Variants in NEDD4L observed in about 807,000 individuals in gnomAD.
NEDD4L encodes NEDD4 like E3 ubiquitin protein ligase.
Under a neutral mutation model 148.9 loss-of-function variants are expected in NEDD4L, and 54 were observed. That is an observed-to-expected ratio of 0.36 (90% confidence interval 0.29 to 0.45). The LOEUF (loss-of-function observed/expected upper bound fraction) is 0.45. Ranked by LOEUF, NEDD4L falls within the 20% of genes least tolerant of loss-of-function variation. NEDD4L has a pLI of 1.00. For synonymous variants in NEDD4L, 433 were observed against 440.7 expected, an observed-to-expected ratio of 0.98 and a Z score of 0.22; for missense variants, 856 against 1,233.8, an observed-to-expected ratio of 0.69 and a Z score of 4.59.
intron 2 of NEDD4L, among the ~76,000 whole-genome samples, chr18:58,240,007 G>C (rs1454787080): frequency 6.6e-6 from 1 of 152,114 alleles, no homozygotes; most frequent in Non-Finnish European, 1.5e-5. Context: ...AGGATTTCTT[G>C]GTGACCTCTC....
chr18:58,375,416 C>G (rs969394795), intron 24 of NEDD4L, among the ~76,000 whole-genome samples: 4 of 152,120 alleles, frequency 2.6e-5, no homozygotes, highest in Non-Finnish European at 5.9e-5. Flanking sequence ...TGTCCTTCTT[C>G]TACTTGGCCA....
intron 1 of NEDD4L, among the ~76,000 whole-genome samples, chr18:58,159,700 T>G (rs527317096): frequency 5.3e-5 from 8 of 152,324 alleles, no homozygotes; most frequent in African/African-American, 1.9e-4. Context: ...TTAAAGCAAC[T>G]AAAGTTAAGT....
intron 5 of NEDD4L, among the ~76,000 whole-genome samples, chr18:58,275,335 A>C (rs1568544632): frequency 6.6e-6 from 1 of 152,190 alleles, no homozygotes; most frequent in East Asian, 1.9e-4. Flanking sequence ...TCTTGCTGTC[A>C]CAGGTGACAG....
chr18:58,267,595 C>T (rs757692250), intron 5 of NEDD4L, among the ~76,000 whole-genome samples: 12 of 152,094 alleles, frequency 7.9e-5, no homozygotes, highest in African/African-American at 2.6e-4. Context: ...TGGATTGTCT[C>T]GGGAGTTAGT....
At chr18:58,091,617 C>T (rs1018594964) in intron 1 of NEDD4L, 1 of 152,208 alleles carries the variant, frequency 6.6e-6, no homozygotes, top group Non-Finnish European at 1.5e-5. Context: ...TCACTGCAGC[C>T]TAGAGCGTAA....
chr18:58,080,950 G>T (rs750304828), intron 1 of NEDD4L, among the ~76,000 whole-genome samples: 2 of 152,092 alleles, frequency 1.3e-5, no homozygotes, highest in Non-Finnish European at 2.9e-5. Context: ...GGGCTGGGGG[G>T]TATGAAATGT....
chr18:58,334,330 C>T (rs1209502297), intron 12 of NEDD4L, among the ~76,000 whole-genome samples: 2 of 152,194 alleles, frequency 1.3e-5, no homozygotes, highest in Non-Finnish European at 2.9e-5. Context: ...CTCTACAGAG[C>T]CTCTGTACCT....
In NEDD4L at chr18:58,347,215, C is replaced by CG. The variant is rs1491278783; in HGVS notation, c.1576-2322_1576-2321insG. On this transcript the variant is annotated intron_variant, in intron 16 of 30. Coordinates refer to ENST00000400345, the MANE Select transcript of NEDD4L (RefSeq NM_001144967.3). ...TCTTTTCACGCTACGGCCCCCCCCGCCCCCCCCCCCCCTTTAAATCACCAG... is the reference window on the plus strand; with the variant it reads ...TCTTTTCACGCTACGGCCCCCCCCGCGCCCCCCCCCCCCTTTAAATCACCAG... Among the ~76,000 whole-genome samples, 39 of 43,806 alleles carry CG rather than the reference C, an allele frequency of 8.9e-4. 3 individuals carry two copies. Among genetic ancestry groups the CG allele is most frequent in the East Asian group, 3.6e-3 (8 of 2,230 alleles). The allele number at this position is 43,806 out of a possible 152,430, so 28.7% of individuals were successfully genotyped here. A position where few individuals can be genotyped will look rare whatever the true frequency, so the allele number is the denominator to read the frequency against.
intron 2 of NEDD4L, among the ~76,000 whole-genome samples, chr18:58,222,922 ACT>A (rs1568419611): frequency 6.6e-6 from 1 of 152,140 alleles, no homozygotes; most frequent in East Asian, 1.9e-4. Flanking sequence ...GAAGCAAATA[ACT>A]CTATAAGGGA....
At chr18:58,066,546 C>T (rs79622941) in intron 1 of NEDD4L, among the ~76,000 whole-genome samples, 6,738 of 152,108 alleles carry the variant, frequency 0.044, 370 homozygotes, top group African/African-American at 0.13. Context: ...TCTTGAACGC[C>T]TGACCTCGTG....
At chr18:58,394,828 G>A (rs945536196) in intron 30 of NEDD4L, among the ~76,000 whole-genome samples, 2 of 152,192 alleles carry the variant, frequency 1.3e-5, no homozygotes, top group African/African-American at 2.4e-5. Context: ...CTGCCAAAGC[G>A]AGCACGTGAA....
chr18:58,342,087 C>A (rs1568770983), intron 15 of NEDD4L, among the ~76,000 whole-genome samples: 1 of 152,198 alleles, frequency 6.6e-6, no homozygotes, highest in Non-Finnish European at 1.5e-5. Context: ...TGTTGTGTTT[C>A]GCTTCTTTTT....
At chr18:58,259,329 A>G (rs890517726) in intron 5 of NEDD4L, among the ~76,000 whole-genome samples, 3 of 152,224 alleles carry the variant, frequency 2.0e-5, no homozygotes, top group African/African-American at 4.8e-5. Flanking sequence ...ATAGTCATCA[A>G]TTATAATCAG....
intron 1 of NEDD4L, among the ~76,000 whole-genome samples, chr18:58,082,893 G>T (rs942093965): frequency 3.3e-5 from 5 of 152,078 alleles, no homozygotes; most frequent in Admixed American, 6.6e-5. Context: ...GTGTTCTTGG[G>T]CTGTTTCTAA....
chr18:58,082,661 A>G (rs1361757374), intron 1 of NEDD4L, among the ~76,000 whole-genome samples: 6 of 151,670 alleles, frequency 4.0e-5, no homozygotes, highest in Non-Finnish European at 8.8e-5. Flanking sequence ...AGTCCCATCT[A>G]CTTGAGCGTC....
chr18:58,249,885 A>G (rs2047691062), intron 4 of NEDD4L, among the ~76,000 whole-genome samples: 2 of 152,246 alleles, frequency 1.3e-5, no homozygotes, highest in Non-Finnish European at 1.5e-5. Context: ...TCCTATGTAC[A>G]GCCTCCACCA....
chr18:58,330,978 G>A (rs2059742394), intron 11 of NEDD4L, 64 bp downstream of exon 11: 1 of 1,531,420 alleles, frequency 6.5e-7, no homozygotes, highest in Non-Finnish European at 9.0e-7. Flanking sequence ...GTTGCTTAAG[G>A]AGAATCTCTT....
intron 5 of NEDD4L, among the ~76,000 whole-genome samples, chr18:58,295,152 C>G (rs565908520): frequency 9.2e-5 from 14 of 152,296 alleles, no homozygotes; most frequent in African/African-American, 3.4e-4. Context: ...AGGGTTCTCT[C>G]TTGGTGTTGT....
chr18:58,047,858 A>G (rs1242297942), intron 1 of NEDD4L, among the ~76,000 whole-genome samples: 1 of 152,210 alleles, frequency 6.6e-6, no homozygotes, highest in African/African-American at 2.4e-5. Flanking sequence ...TTACTTATGA[A>G]TGTTACCGCT....
Sources: allele counts gnomAD v4.1 joint callset (sites outside exome capture counted in the v4.1 genomes callset), GRCh38; gene constraint gnomAD v4.1.1; transcripts MANE v1.5; gene names NCBI Gene and HGNC (gene_info 2026-07-23, HGNC 2026-07-21).